CFAP20DC: variants seen among roughly 807,000 people sequenced by gnomAD.
CFAP20DC encodes CFAP20 domain containing.
In CFAP20DC, 84 loss-of-function variants were observed where a neutral mutation model predicts 101.7. The ratio of observed to expected loss-of-function variants is 0.83; its 90% CI spans 0.69 to 0.99. The LOEUF (loss-of-function observed/expected upper bound fraction) is 0.99, where lower values mean the gene tolerates loss of function less well. Ranked by LOEUF, CFAP20DC falls within the 50% of genes least tolerant of loss-of-function variation. CFAP20DC has a pLI of 0.00. For missense variants in CFAP20DC, 1,007 were observed against 970.3 expected (o/e 1.04, Z -0.50); for synonymous variants, 359 against 351.2 (o/e 1.02, Z -0.25).
rs1347354503 is a variant in CFAP20DC at position 58,890,403 on chromosome 3, C to T, written c.551-5694G>A. On this transcript the variant is annotated intron_variant, in intron 6 of 16. Transcript: ENST00000482387. ...GGCGGCCGGGCAGAGGCGCCCCTCACCTCCCGGACGGGGTGGCTGGCCGGG... is the reference window on the plus strand; with the variant it reads ...GGCGGCCGGGCAGAGGCGCCCCTCATCTCCCGGACGGGGTGGCTGGCCGGG... 2.7e-3 allele frequency among the ~76,000 whole-genome samples: 396 copies of T among 145,074 alleles called. 1 individual carries two copies. Among genetic ancestry groups the T allele is most frequent in the African/African-American group, 9.7e-3 (372 of 38,376 alleles).
chr3:58,840,580 A>T (rs1178826852), intron 13 of CFAP20DC, among the ~76,000 whole-genome samples: 1 of 152,232 alleles, frequency 6.6e-6, no homozygotes, highest in Non-Finnish European at 1.5e-5. Flanking sequence ...ACTTGATTCA[A>T]CTATAAATAA....
intron 4 of CFAP20DC, among the ~76,000 whole-genome samples, chr3:58,990,742 G>A (rs1348353440): frequency 6.9e-6 from 1 of 144,928 alleles, no homozygotes; most frequent in Non-Finnish European, 1.5e-5. Context: ...TTCAGATTTA[G>A]GATGCTCAGC....
intron 3 of CFAP20DC, among the ~76,000 whole-genome samples, chr3:58,733,975 A>C (rs1344838147): frequency 6.6e-6 from 1 of 152,210 alleles, no homozygotes; most frequent in Non-Finnish European, 1.5e-5. Context: ...TCCCCACCCA[A>C]ATCTCATGTT....
At chr3:59,030,652 C>T (rs2093973206) in intron 4 of CFAP20DC, among the ~76,000 whole-genome samples, 1 of 152,130 alleles carries the variant, frequency 6.6e-6, no homozygotes, top group Admixed American at 6.5e-5. Flanking sequence ...CCCCAACACC[C>T]CTCGAAATGT....
At chr3:59,039,741 C>T (rs989355410) in intron 3 of CFAP20DC, 112 bp from the exon 4 acceptor site, 3 of 588,130 alleles carry the variant, frequency 5.1e-6, no homozygotes, top group Admixed American at 3.5e-5. Flanking sequence ...TTCAGTAATA[C>T]ATAGAACTGC....
chr3:58,858,852 C>A (rs891132612), intron 12 of CFAP20DC, among the ~76,000 whole-genome samples: 3 of 152,136 alleles, frequency 2.0e-5, no homozygotes, highest in African/African-American at 7.2e-5. Context: ...AACAACAGAG[C>A]TAGTATATGT....
In CFAP20DC at chr3:58,729,302, AAATT is replaced by A. The variant is rs754208170; in HGVS notation, c.198-11678_198-11675del. On this transcript the variant is annotated intron_variant, in intron 3 of 3. Coordinates refer to the CFAP20DC transcript ENST00000486145. The surrounding 1 kb of genome is among the most constrained non-coding windows in gnomAD (Gnocchi z 4.4). ...TGTGCACAGAAAACTTGTACTTTTA[AAATT>A]AATTAGATTTTTATTAGATTTATTT... 5.2e-4 allele frequency among the ~76,000 whole-genome samples: 79 copies of A among 152,334 alleles called. No individual in the cohort carries two copies. Among genetic ancestry groups the A allele is most frequent in the East Asian group, 1.5e-3 (8 of 5,192 alleles).
chr3:59,016,395 T>C (rs900385590), intron 4 of CFAP20DC, among the ~76,000 whole-genome samples: 10 of 151,900 alleles, frequency 6.6e-5, no homozygotes, highest in African/African-American at 2.2e-4. Context: ...ATGGGAAGGG[T>C]ATGGGGAGCA....
intron 5 of CFAP20DC, among the ~76,000 whole-genome samples, chr3:58,928,555 C>T (rs1386645595): frequency 1.3e-5 from 2 of 152,152 alleles, no homozygotes; most frequent in African/African-American, 4.8e-5. Flanking sequence ...TAGTAAGTAT[C>T]AGAATCCAGA....
chr3:58,923,772 T>C (rs1164947773), intron 5 of CFAP20DC, among the ~76,000 whole-genome samples: 2 of 152,218 alleles, frequency 1.3e-5, no homozygotes, highest in Non-Finnish European at 2.9e-5. Context: ...ATTCAATCTG[T>C]ATATTTTTAA....
chr3:58,790,575 G>A (rs916650730), intron 15 of CFAP20DC, among the ~76,000 whole-genome samples: 1 of 152,160 alleles, frequency 6.6e-6, no homozygotes, highest in African/African-American at 2.4e-5. Flanking sequence ...ATCCATGGAG[G>A]CTACTTAGAA....
At chr3:58,827,899 A>G (rs551864358) in intron 14 of CFAP20DC, among the ~76,000 whole-genome samples, 40 of 152,346 alleles carry the variant, frequency 2.6e-4, no homozygotes, top group African/African-American at 8.2e-4. Flanking sequence ...CAGACAAGCA[A>G]GCTTGTGGTG....
chr3:59,033,709 C>A (rs781778279), intron 4 of CFAP20DC, among the ~76,000 whole-genome samples: 1 of 152,000 alleles, frequency 6.6e-6, no homozygotes, highest in Non-Finnish European at 1.5e-5. Flanking sequence ...GTGAAAATAC[C>A]AAACCTATGT....
chr3:58,813,659 T>C (rs1407549936), intron 14 of CFAP20DC, among the ~76,000 whole-genome samples: 1 of 151,906 alleles, frequency 6.6e-6, no homozygotes, highest in Non-Finnish European at 1.5e-5. Context: ...TTCTTCAGAG[T>C]AAACTGTCTT....
intron 4 of CFAP20DC, among the ~76,000 whole-genome samples, chr3:59,037,187 A>C (rs550890903): frequency 1.6e-4 from 25 of 152,306 alleles, no homozygotes; most frequent in African/African-American, 5.3e-4. Context: ...CCTAGAAGAA[A>C]ACCTAGGCAA....
At chr3:58,983,401 T>G (rs1034644963) in intron 4 of CFAP20DC, among the ~76,000 whole-genome samples, 50 of 152,152 alleles carry the variant, frequency 3.3e-4, no homozygotes, top group African/African-American at 1.2e-3. Flanking sequence ...CTAAATTGTT[T>G]CCAATTTAAC....
intron 15 of CFAP20DC, among the ~76,000 whole-genome samples, chr3:58,756,732 CCTTT>C (rs1187239509): frequency 6.6e-6 from 1 of 152,050 alleles, no homozygotes; most frequent in Non-Finnish European, 1.5e-5. Flanking sequence ...TCTGGTGTTG[CCTTT>C]CTGTGTTTCA....
At position 58,932,107 on chromosome 3, in the gene CFAP20DC, T is replaced by C. The variant is rs2086791765; in HGVS notation, c.393+5541A>G. On this transcript the variant is annotated intron_variant, in intron 5 of 16. Transcript: ENST00000482387. ...GCTGATGGAGGTGAAAGCCAAGGCT[T>C]GAGAACTACGTGAAGAATGCAGAAG... Among the ~76,000 whole-genome samples the C allele has an allele frequency of 4.6e-5, 7 of 152,270 alleles. No homozygotes were observed. The South Asian group carries it at 1.5e-3, about 32-fold the overall frequency.
Position 59,014,933 on chromosome 3 carries a change from T to C in CFAP20DC, c.278+24624A>G, listed in dbSNP as rs964668484. Among the ~76,000 whole-genome samples the C allele has an allele frequency of 6.6e-6, 1 of 152,106 alleles. No individual in the cohort carries two copies. The highest frequency in any genetic ancestry group is 1.5e-5 in the Non-Finnish European group (1 of 68,016). On this transcript the variant is annotated intron_variant, in intron 4 of 16. Transcript: ENST00000482387. This position sits in a 1 kb window ranked among gnomAD's most constrained non-coding sequence, Gnocchi z 4.9. ...TGAAAGCAGCCATGGTGGGAATATT[T>C]ACACCACAGAAACTAGCAAGTACTA...
Sources: allele counts gnomAD v4.1 joint callset (sites outside exome capture counted in the v4.1 genomes callset), GRCh38; gene constraint gnomAD v4.1.1; non-coding constraint Gnocchi (gnomAD v3.1); transcripts MANE v1.5; gene names NCBI Gene and HGNC (gene_info 2026-07-23, HGNC 2026-07-21).